The following VPS13B variants were observed in gnomAD, a reference collection of about 807,000 sequenced individuals.
VPS13B encodes the protein vacuolar protein sorting 13 homolog B.
A neutral mutation model predicts 426.4 loss-of-function variants in VPS13B; 285 were observed. That is an observed-to-expected ratio of 0.67 (90% CI 0.61 to 0.74). The LOEUF (loss-of-function observed/expected upper bound fraction) is 0.74, where lower values mean the gene tolerates loss of function less well. VPS13B is among the 30% of genes least tolerant of loss of function. The pLI is 0.00. For missense variants in VPS13B, 4,537 were observed against 4,782.6 expected, an observed-to-expected ratio of 0.95 and a Z score of 1.51; for synonymous variants, 1,676 against 1,676.4, an observed-to-expected ratio of 1.00 and a Z score of 0.01.
chr8:99,069,895 A>C (rs545480946), intron 3 of VPS13B, among the ~76,000 whole-genome samples: 1 of 152,166 alleles, frequency 6.6e-6, no homozygotes, highest in East Asian at 1.9e-4. Flanking sequence ...TTTTGAAAAA[A>C]GTTTTAAAGT....
At chr8:99,394,576 A>G (rs1335097444) in intron 21 of VPS13B, among the ~76,000 whole-genome samples, 1 of 152,192 alleles carries the variant, frequency 6.6e-6, no homozygotes, top group Non-Finnish European at 1.5e-5. Context: ...AATCTTCCAG[A>G]GAATCTGTAT....
chr8:99,314,134 G>T (rs894281636), intron 19 of VPS13B, among the ~76,000 whole-genome samples: 114 of 152,232 alleles, frequency 7.5e-4, no homozygotes, highest in African/African-American at 2.6e-3. Context: ...GCGATGCCTT[G>T]CCCTGCTTTG....
At chr8:99,596,101 G>T (rs1826998521) in intron 33 of VPS13B, among the ~76,000 whole-genome samples, 1 of 151,938 alleles carries the variant, frequency 6.6e-6, no homozygotes, top group Admixed American at 6.6e-5. Context: ...GACATTTGGG[G>T]CACATTTGCA....
chr8:99,341,206 A>C (rs1298856579), intron 19 of VPS13B: 1 of 196,088 alleles, frequency 5.1e-6, no homozygotes, highest in Non-Finnish European at 1.1e-5. Flanking sequence ...TGGCTGAAAA[A>C]GCTGTGTTGA....
At chr8:99,833,572 A>C (rs1048745797) in intron 52 of VPS13B, among the ~76,000 whole-genome samples, 1 of 152,166 alleles carries the variant, frequency 6.6e-6, no homozygotes, top group African/African-American at 2.4e-5. Context: ...AAAATCCTTG[A>C]TTTTACAAAC....
intron 24 of VPS13B, among the ~76,000 whole-genome samples, chr8:99,473,419 T>C (rs571172520): frequency 3.3e-5 from 5 of 152,190 alleles, no homozygotes; most frequent in African/African-American, 1.2e-4. Context: ...AAAAATCATA[T>C]GATCATCTCA....
At chr8:99,828,394 G>GCTTTTT (rs1563495224) in intron 51 of VPS13B, among the ~76,000 whole-genome samples, 9 of 17,424 alleles carry the variant, frequency 5.2e-4, no homozygotes, top group South Asian at 2.5e-3. Flanking sequence ...TACAACCACC[G>GCTTTTT]TTTTTTTTTT....
chr8:99,608,747 T>C (rs573679175), intron 33 of VPS13B, among the ~76,000 whole-genome samples: 7 of 152,302 alleles, frequency 4.6e-5, no homozygotes. Context: ...TGGGGTCATA[T>C]AATATGTGGT....
At chr8:99,687,343 G>T (rs1028640113) in intron 35 of VPS13B, among the ~76,000 whole-genome samples, 2 of 152,028 alleles carry the variant, frequency 1.3e-5, no homozygotes, top group African/African-American at 4.8e-5. Context: ...GCCCCATCTG[G>T]TGTCTGACTG....
chr8:99,368,443 C>A (rs1222265525), intron 19 of VPS13B, among the ~76,000 whole-genome samples: 2 of 152,180 alleles, frequency 1.3e-5, no homozygotes, highest in African/African-American at 4.8e-5. Context: ...CTTCATCTTT[C>A]TCTTCAAATT....
intron 34 of VPS13B, among the ~76,000 whole-genome samples, chr8:99,650,372 G>T (rs1829758114): frequency 6.6e-6 from 1 of 152,094 alleles, no homozygotes; most frequent in Non-Finnish European, 1.5e-5. Flanking sequence ...AGTTAGCAGG[G>T]GAAAATGCTG....
intron 19 of VPS13B, among the ~76,000 whole-genome samples, chr8:99,325,745 G>GAAGGAACAGAC (rs6150726): frequency 6.6e-6 from 1 of 151,724 alleles, no homozygotes. Context: ...TCACTTTTGG[G>GAAGGAACAGAC]ATATCAGCTT....
At chr8:99,474,927 C>G (rs1819614955) in intron 24 of VPS13B, among the ~76,000 whole-genome samples, 1 of 152,086 alleles carries the variant, frequency 6.6e-6, no homozygotes, top group South Asian at 2.1e-4. Context: ...TAGCCCCAAA[C>G]TGGACACAAC....
chr8:99,846,607 AG>A (rs1815997967), intron 54 of VPS13B, among the ~76,000 whole-genome samples: 1 of 152,344 alleles, frequency 6.6e-6, no homozygotes, highest in East Asian at 1.9e-4. Flanking sequence ...GATAGACTAA[AG>A]TCTGTGTTTC....
chr8:99,186,084 T>C (rs1296616371), intron 16 of VPS13B, among the ~76,000 whole-genome samples: 1 of 152,154 alleles, frequency 6.6e-6, no homozygotes, highest in Non-Finnish European at 1.5e-5. Flanking sequence ...TTTGAATTGA[T>C]AGTTTTTAAA....
intron 19 of VPS13B, among the ~76,000 whole-genome samples, chr8:99,331,899 T>C (rs1810563875): frequency 6.6e-6 from 1 of 151,734 alleles, no homozygotes; most frequent in Non-Finnish European, 1.5e-5. Context: ...TGTAACTGCA[T>C]AGGGATAACT....
At chr8:99,543,467 C>G (rs1217235232) in intron 30 of VPS13B, among the ~76,000 whole-genome samples, 5 of 151,684 alleles carry the variant, frequency 3.3e-5, no homozygotes, top group Admixed American at 1.3e-4. Context: ...CAAATGGGAT[C>G]TAATTAAACT....
chr8:99,279,792 T>C (rs897060991), intron 19 of VPS13B, among the ~76,000 whole-genome samples: 1 of 152,098 alleles, frequency 6.6e-6, no homozygotes, highest in African/African-American at 2.4e-5. Flanking sequence ...TCTTTTGATA[T>C]GGAGTCTCGT....
intron 21 of VPS13B, among the ~76,000 whole-genome samples, chr8:99,422,720 A>G (rs1318267906): frequency 6.6e-6 from 1 of 152,170 alleles, no homozygotes; most frequent in East Asian, 1.9e-4. Context: ...ACAATAAGTA[A>G]TTCATTTTTA....
Sources: allele counts gnomAD v4.1 joint callset (sites outside exome capture counted in the v4.1 genomes callset), GRCh38; gene constraint gnomAD v4.1.1; transcripts MANE v1.5; gene names NCBI Gene and HGNC (gene_info 2026-07-23, HGNC 2026-07-21).